Variants in ZNF410 observed in about 807,000 individuals in gnomAD.
ZNF410 encodes the protein zinc finger protein 410, also known as another partner for ARF 1.
Under a neutral mutation model 54.8 loss-of-function variants are expected in ZNF410, and 18 were observed. The ratio of observed to expected loss-of-function variants is 0.33; its 90% CI spans 0.23 to 0.49. The LOEUF (loss-of-function observed/expected upper bound fraction) is 0.49. Ranked by LOEUF, ZNF410 falls within the 20% of genes least tolerant of loss-of-function variation. ZNF410 has a pLI of 0.99. For missense variants in ZNF410, 405 were observed against 569.6 expected (o/e 0.71, Z 2.94); for synonymous variants, 191 against 207.3 (o/e 0.92, Z 0.68).
chr14:73,905,434 T>G, intron 7 of ZNF410: 1 of 176,782 alleles, frequency 5.7e-6, no homozygotes, highest in East Asian at 1.5e-4. Flanking sequence ...GCAGTAACAT[T>G]TACTGAGTCA....
rs772391217 is a variant in ZNF410 at position 73,898,139 on chromosome 14, C to T, written c.457C>T (p.Leu153Phe). The part of the protein sequence containing the change: ...DEAEDSGNDF[L>F]SSESTDSSIP... ...GGCAGAAGATTCAGGGAATGATTTC[C>T]TCTCCAGTGAGAGCACAGACAGTAG... Residue 153 changes from leucine (L) to phenylalanine (F), a missense_variant, in exon 5 of 12, where the codon CTC becomes TTC. This residue lies in a region of ZNF410 where 247 missense variants were observed against 342.8 expected (regional missense o/e 0.72). Coordinates refer to ENST00000555044, the MANE Select transcript of ZNF410 (RefSeq NM_021188.3). 2.5e-5 allele frequency: 41 copies of T among 1,614,038 alleles called. No homozygotes were observed. Among genetic ancestry groups the T allele is most frequent in the African/African-American group, 4.0e-5 (3 of 74,902 alleles).
chr14:73,918,527 T>C (rs2055703562), intron 8 of ZNF410, among the ~76,000 whole-genome samples: 2 of 151,990 alleles, frequency 1.3e-5, no homozygotes, highest in Admixed American at 1.3e-4. Context: ...CAACATTTCA[T>C]CATCCCAAAA....
chr14:73,889,811 TC>T (rs34719177), intron 1 of ZNF410, among the ~76,000 whole-genome samples: 508 of 27,526 alleles, frequency 0.018, 5 homozygotes, highest in Admixed American at 0.033. Flanking sequence ...TTTTTTTTTT[TC>T]TCGACACAGA....
intron 8 of ZNF410, 155 bp from the exon 9 acceptor site, chr14:73,920,825 T>C (rs2055744665): frequency 2.3e-6 from 2 of 871,506 alleles, no homozygotes; most frequent in Non-Finnish European, 3.5e-6. Flanking sequence ...CCTTCCCCCA[T>C]ATACTGAAGT....
intron 7 of ZNF410, chr14:73,905,756 C>A (rs944744577): frequency 1.6e-5 from 2 of 126,400 alleles, no homozygotes; most frequent in Non-Finnish European, 3.4e-5. Context: ...TCCCCACTTA[C>A]TTGCCACTTT....
rs1027116423 is a variant in ZNF410, at chr14:73,896,131, C to G, written c.170-185C>G. The G allele has an allele frequency of 5.2e-6, 3 of 573,104 alleles. No homozygotes were observed. The African/African-American group carries it at 5.6e-5, about 11-fold the overall frequency. 35.5% of individuals were successfully genotyped at this position (573,104 alleles called of 1,614,324 possible). ...ATTCTGTTCCTCACGTTTTGGCTGA[C>G]TGCCTTTGGAACATAAAGCCATCTC... On this transcript the variant is annotated intron_variant, in intron 3 of 11. Transcript: ENST00000555044.
intron 2 of ZNF410, 158 bp from the exon 3 acceptor site, chr14:73,893,639 G>A (rs2055265466): frequency 3.6e-6 from 3 of 827,250 alleles, no homozygotes; most frequent in Non-Finnish European, 5.1e-6. Flanking sequence ...CTAGAACAGA[G>A]AACTTGATAA....
rs2055919799 is a variant in ZNF410, at chr14:73,931,766, G to GAAACTGTACCTT, written c.*236_*237insTAAACTGTACCT. 1.8e-6 allele frequency: 1 copy of GAAACTGTACCTT among 544,958 alleles called. No homozygotes were observed. The allele number at this position is 544,958 out of a possible 1,614,324, so 33.8% of individuals were successfully genotyped here. A position where few individuals can be genotyped will look rare whatever the true frequency, so the allele number is the denominator to read the frequency against. On this transcript the variant is annotated 3_prime_UTR_variant, in exon 12 of 12. Coordinates refer to ENST00000555044, the MANE Select transcript of ZNF410 (RefSeq NM_021188.3). Reference sequence around the variant, plus strand: ...GAATGAAGCAATGACTGTGGGCTGGGAAACTGTACCTACCTCTCTTCCCAC... The same window carrying GAAACTGTACCTT: ...GAATGAAGCAATGACTGTGGGCTGGGAAACTGTACCTTAAACTGTACCTACCTCTCTTCCCAC...
chr14:73,922,949 ATAAAC>A (rs964822749), intron 10 of ZNF410: 2 of 152,776 alleles, frequency 1.3e-5, no homozygotes, highest in African/African-American at 4.8e-5. Flanking sequence ...TGGTATATCC[ATAAAC>A]TATTTCCAGA....
intron 3 of ZNF410, 24 bp downstream of exon 3, chr14:73,893,956 T>A: frequency 6.2e-7 from 1 of 1,601,010 alleles, no homozygotes; most frequent in Non-Finnish European, 8.5e-7. Context: ...TCACTAGAAA[T>A]AGGATAAAGA....
chr14:73,920,456 T>G (rs1402619408), intron 8 of ZNF410: 2 of 153,634 alleles, frequency 1.3e-5, no homozygotes, highest in African/African-American at 4.8e-5. Context: ...TTTTGACCCC[T>G]GCTCTAAGTA....
In ZNF410 at chr14:73,904,983, G is replaced by A; in HGVS notation, c.813G>A (p.Arg271=). Reference sequence around the variant, plus strand: ...TGCAGAGGCTGAAGGTGCACATGAGGACCCACAATGGAGAGAAGCCCTTTA... The same window carrying A: ...TGCAGAGGCTGAAGGTGCACATGAGAACCCACAATGGAGAGAAGCCCTTTA... ...YVLQRLKVHM[R]THNGEKPFMC... Residue 271 remains arginine, a synonymous_variant, in exon 7 of 12, where the codon AGG becomes AGA. Coordinates refer to ENST00000555044, the MANE Select transcript of ZNF410 (RefSeq NM_021188.3). 6.2e-7 allele frequency: 1 copy of A among 1,614,186 alleles called. No individual in the cohort carries two copies. Among genetic ancestry groups the A allele is most frequent in the Non-Finnish European group, 8.5e-7 (1 of 1,180,038 alleles).
chr14:73,909,799 A>T (rs1000971515), intron 8 of ZNF410, among the ~76,000 whole-genome samples: 7 of 152,230 alleles, frequency 4.6e-5, no homozygotes, highest in African/African-American at 1.7e-4. Context: ...AAAGACTGAT[A>T]TAAGTTGTAG....
In ZNF410 at chr14:73,931,802, T is replaced by C; in HGVS notation, c.*261T>C. The stretch of plus-strand genomic sequence containing the variant: ...TACCTCTCTTCCCACTGCAAATTTC[T>C]GGGATAGACCAAAAGTGAATTTGAT... On this transcript the variant is annotated 3_prime_UTR_variant, in exon 12 of 12. Coordinates refer to ENST00000555044, the MANE Select transcript of ZNF410 (RefSeq NM_021188.3). 2.0e-6 allele frequency: 1 copy of C among 489,910 alleles called. No homozygotes were observed. Among genetic ancestry groups the C allele is most frequent in the Non-Finnish European group, 3.8e-6 (1 of 263,976 alleles). 30.3% of individuals were successfully genotyped at this position (489,910 alleles called of 1,614,324 possible).
Position 73,904,065 on chromosome 14 carries a change from C to T in ZNF410, c.686C>T (p.Thr229Ile). The change falls in exon 6 of 12, where the codon ACA (threonine) becomes ATA (isoleucine). Residue 229 changes from threonine (T) to isoleucine (I), a missense_variant. By Grantham distance (89) the Thr-to-Ile change is moderately conservative. Transcript: ENST00000555044. ...TGTACAGTTGAAGGTTGTGACCGGA[C>T]ATTTGTATGGCCAGCTCACTTTAAA... ...LKCTVEGCDR[T>I]FVWPAHFKYH... 1.2e-6 allele frequency: 2 copies of T among 1,614,140 alleles called. No homozygotes were observed. The highest frequency in any genetic ancestry group is 1.7e-6 in the Non-Finnish European group (2 of 1,180,020).
chr14:73,900,238 T>C (rs941128160), intron 5 of ZNF410, among the ~76,000 whole-genome samples: 53 of 152,266 alleles, frequency 3.5e-4, no homozygotes, highest in African/African-American at 1.3e-3. Context: ...AATCTTTTAT[T>C]TTCCAACAAG....
intron 5 of ZNF410, among the ~76,000 whole-genome samples, chr14:73,903,219 C>T (rs1031913166): frequency 2.6e-5 from 4 of 152,138 alleles, no homozygotes; most frequent in Non-Finnish European, 5.9e-5. Flanking sequence ...GCCTCCGCCT[C>T]CCGGACACAA....
chr14:73,898,321 A>G, intron 5 of ZNF410, 59 bp downstream of exon 5: 1 of 1,563,256 alleles, frequency 6.4e-7, no homozygotes, highest in Non-Finnish European at 8.8e-7. Context: ...TTGGTAATGC[A>G]GTGGCTGGTT....
At position 73,891,956 on chromosome 14, in the gene ZNF410, A is replaced by C; in HGVS notation, c.-149-71A>C. On this transcript the variant is annotated intron_variant, in intron 1 of 11. Transcript: ENST00000555044. Reference sequence around the variant, plus strand: ...TGTGATTTTTTTTGTATATGTAAAGAAGTGTCTTTATGTACCTGTGTTTTC... The same window carrying C: ...TGTGATTTTTTTTGTATATGTAAAGCAGTGTCTTTATGTACCTGTGTTTTC... 3 of 662,142 alleles carry C rather than the reference A, an allele frequency of 4.5e-6. No homozygotes were observed. In the South Asian group the frequency reaches 5.0e-5, roughly 11 times the overall value. 41.0% of individuals were successfully genotyped at this position (662,142 alleles called of 1,614,324 possible). A position where few individuals can be genotyped will look rare whatever the true frequency, so the allele number is the denominator to read the frequency against.
Sources: allele counts gnomAD v4.1 joint callset (sites outside exome capture counted in the v4.1 genomes callset), GRCh38; gene constraint gnomAD v4.1.1; regional missense constraint gnomAD v4.1.1; transcripts MANE v1.5; gene names NCBI Gene and HGNC (gene_info 2026-07-23, HGNC 2026-07-21).